ARSB: variants seen among roughly 807,000 people sequenced by gnomAD.
ARSB encodes the protein N-acetylgalactosamine-4-sulfatase.
Under a neutral mutation model 50.9 loss-of-function variants are expected in ARSB, and 41 were observed. The observed-to-expected ratio is 0.81, with a 90% CI of 0.63 to 1.04. The LOEUF (loss-of-function observed/expected upper bound fraction) is 1.04, where lower values mean the gene tolerates loss of function less well. Among genes scored for constraint, ARSB ranks in the 50% least tolerant of loss-of-function variants. The pLI is 0.00. For synonymous variants in ARSB, 269 were observed against 284.8 expected, an observed-to-expected ratio of 0.94 and a Z score of 0.56; for missense variants, 672 against 693.3, an observed-to-expected ratio of 0.97 and a Z score of 0.35.
chr5:78,931,106 C>T (rs563196065), intron 4 of ARSB, among the ~76,000 whole-genome samples: 1 of 152,300 alleles, frequency 6.6e-6, no homozygotes, highest in East Asian at 1.9e-4. Context: ...TTTTCTGGAG[C>T]GAATGCCTTG....
chr5:78,851,480 C>A (rs890501992), intron 5 of ARSB, among the ~76,000 whole-genome samples: 1 of 151,842 alleles, frequency 6.6e-6, no homozygotes, highest in East Asian at 1.9e-4. Context: ...TTACTTCCAA[C>A]TATGTGGTCA....
intron 6 of ARSB, chr5:78,815,748 T>A (rs1419840450): frequency 8.7e-7 from 1 of 1,153,804 alleles, no homozygotes; most frequent in Non-Finnish European, 1.1e-6. Context: ...CCACAAGGAA[T>A]GAATAAAGGG....
chr5:78,840,086 T>C (rs1488664293), intron 5 of ARSB, among the ~76,000 whole-genome samples: 1 of 152,222 alleles, frequency 6.6e-6, no homozygotes, highest in Non-Finnish European at 1.5e-5. Flanking sequence ...GGTAGAATAT[T>C]GGGTTGTGTG....
chr5:78,850,776 G>A (rs1745730516), intron 5 of ARSB, among the ~76,000 whole-genome samples: 1 of 152,202 alleles, frequency 6.6e-6, no homozygotes, highest in Non-Finnish European at 1.5e-5. Flanking sequence ...CTTCTTCCTG[G>A]TTTAGTCTTG....
rs1748855087 is a variant in ARSB, at chr5:78,779,162, G to A, written c.*1235C>T. ...CATTTCTCTGGGTTTGACACTCTCTGGAGCTAATATGGACTGTTCCACATT... is the reference window on the plus strand; with the variant it reads ...CATTTCTCTGGGTTTGACACTCTCTAGAGCTAATATGGACTGTTCCACATT... On this transcript the variant is annotated 3_prime_UTR_variant, in exon 8 of 8. Transcript: ENST00000264914. 1 of 152,198 alleles carries A rather than the reference G, an allele frequency of 6.6e-6. No homozygotes were observed. The highest frequency in any genetic ancestry group is 2.1e-4 in the South Asian group (1 of 4,820). The allele number at this position is 152,198 out of a possible 1,614,324, so 9.4% of individuals were successfully genotyped here.
chr5:78,801,958 G>A (rs1268127574), intron 6 of ARSB, among the ~76,000 whole-genome samples: 1 of 152,098 alleles, frequency 6.6e-6, no homozygotes, highest in Non-Finnish European at 1.5e-5. Context: ...TGTTCCAGCA[G>A]CCAGCGTTAT....
chr5:78,780,251 G>T lies in ARSB; in HGVS notation c.*146C>A. On this transcript the variant is annotated 3_prime_UTR_variant, in exon 8 of 8. Transcript: ENST00000264914. ...TTTATCAGCTTCTTAAATGCATTAG[G>T]GGTTGAAATTAGACACCTCGGTGTG... is the stretch of plus-strand genomic sequence containing the variant. 1 of 1,016,828 alleles carries T rather than the reference G, an allele frequency of 9.8e-7. No homozygotes were observed. The highest frequency in any genetic ancestry group is 1.5e-6 in the Non-Finnish European group (1 of 665,120). 63.0% of individuals were successfully genotyped at this position (1,016,828 alleles called of 1,614,324 possible). A position where few individuals can be genotyped will look rare whatever the true frequency, so the allele number is the denominator to read the frequency against.
chr5:78,914,265 G>A (rs1749447079), intron 4 of ARSB, among the ~76,000 whole-genome samples: 1 of 151,852 alleles, frequency 6.6e-6, no homozygotes, highest in South Asian at 2.1e-4. Context: ...GTGCCCAGCA[G>A]CCACATATTA....
intron 6 of ARSB, among the ~76,000 whole-genome samples, chr5:78,820,871 C>T (rs931955905): frequency 4.6e-5 from 7 of 150,540 alleles, no homozygotes; most frequent in Admixed American, 2.0e-4. Flanking sequence ...GGTTGAAAAC[C>T]ACTGATTTAT....
intron 4 of ARSB, among the ~76,000 whole-genome samples, chr5:78,921,172 C>T (rs1749796649): frequency 6.6e-6 from 1 of 152,118 alleles, no homozygotes; most frequent in Non-Finnish European, 1.5e-5. Flanking sequence ...TATCCTAGAT[C>T]TTAAGATTAT....
At chr5:78,938,247 G>A (rs914070796) in intron 4 of ARSB, among the ~76,000 whole-genome samples, 2 of 152,166 alleles carry the variant, frequency 1.3e-5, no homozygotes, top group East Asian at 1.9e-4. Flanking sequence ...TCAGTAAAAT[G>A]TATTGGTTAT....
chr5:78,805,002 G>C (rs1743513226), intron 6 of ARSB, among the ~76,000 whole-genome samples: 1 of 152,228 alleles, frequency 6.6e-6, no homozygotes, highest in South Asian at 2.1e-4. Context: ...ACAGCATCCG[G>C]CCTCCAGGGT....
intron 5 of ARSB, among the ~76,000 whole-genome samples, chr5:78,847,601 C>T (rs2112023512): frequency 6.6e-6 from 1 of 152,248 alleles, no homozygotes; most frequent in Admixed American, 6.5e-5. Flanking sequence ...GAAGAATTCC[C>T]TCCTCTTCAA....
chr5:78,786,920 T>C (rs1182849500), intron 6 of ARSB, among the ~76,000 whole-genome samples: 1 of 151,378 alleles, frequency 6.6e-6, no homozygotes, highest in Non-Finnish European at 1.5e-5. Context: ...TTCATCCTTT[T>C]GTATATAGAT....
chr5:78,953,244 C>A (rs1751560702), intron 4 of ARSB, among the ~76,000 whole-genome samples: 1 of 152,234 alleles, frequency 6.6e-6, no homozygotes, highest in African/African-American at 2.4e-5. Context: ...AATATTGCAG[C>A]ACACCATATG....
chr5:78,984,057 C>A (rs1392690066), intron 1 of ARSB, among the ~76,000 whole-genome samples: 1 of 152,150 alleles, frequency 6.6e-6, no homozygotes, highest in Non-Finnish European at 1.5e-5. Flanking sequence ...ATTTCATAAG[C>A]CCGGGACGAC....
intron 6 of ARSB, among the ~76,000 whole-genome samples, chr5:78,811,662 C>G (rs1442842215): frequency 1.3e-5 from 2 of 152,168 alleles, no homozygotes; most frequent in Non-Finnish European, 2.9e-5. Flanking sequence ...TTGCCTACAT[C>G]CACTGCAGCC....
At position 78,950,988 on chromosome 5, in the gene ARSB, G is replaced by C. The variant is rs188267335; in HGVS notation, c.898+4307C>G. Among the ~76,000 whole-genome samples, 3 of 152,296 alleles carry C rather than the reference G, an allele frequency of 2.0e-5. No individual in the cohort carries two copies. The East Asian group carries it at 5.8e-4, about 29-fold the overall frequency. On this transcript the variant is annotated intron_variant, in intron 4 of 7. Coordinates refer to ENST00000264914, the MANE Select transcript of ARSB (RefSeq NM_000046.5). ...ATGAAATAAATGGAAAAGAAAATGA[G>C]ATGCAAAAAGACAACTGATTAGGTT... is the stretch of plus-strand genomic sequence containing the variant.
In ARSB at chr5:78,779,471, C is replaced by T. The variant is rs181041239; in HGVS notation, c.*926G>A. On this transcript the variant is annotated 3_prime_UTR_variant, in exon 8 of 8. Coordinates refer to ENST00000264914, the MANE Select transcript of ARSB (RefSeq NM_000046.5). ...CTAACTCCATGCAATATAGGAAAAG[C>T]CTCGCTGAACAGATGCCACAGAGCC... 6.6e-6 allele frequency: 1 copy of T among 152,176 alleles called. No homozygotes were observed. The highest frequency in any genetic ancestry group is 1.5e-5 in the Non-Finnish European group (1 of 68,056). The allele number at this position is 152,176 out of a possible 1,614,324, so 9.4% of individuals were successfully genotyped here.
Sources: allele counts gnomAD v4.1 joint callset (sites outside exome capture counted in the v4.1 genomes callset), GRCh38; gene constraint gnomAD v4.1.1; transcripts MANE v1.5; gene names NCBI Gene and HGNC (gene_info 2026-07-23, HGNC 2026-07-21).